Variants in GUCY1A2 observed in about 807,000 individuals in gnomAD.
The protein encoded by GUCY1A2 is guanylate cyclase soluble subunit alpha-2.
In GUCY1A2, 27 loss-of-function variants were observed where a neutral mutation model predicts 63.5. The ratio of observed to expected loss-of-function variants is 0.43; its 90% CI spans 0.31 to 0.59. The LOEUF (loss-of-function observed/expected upper bound fraction) is 0.59, where lower values mean the gene tolerates loss of function less well. GUCY1A2 is among the 20% of genes least tolerant of loss of function. The pLI is 0.11. For missense variants in GUCY1A2, 768 were observed against 913.3 expected, an observed-to-expected ratio of 0.84 and a Z score of 2.05; for synonymous variants, 364 against 343.5, an observed-to-expected ratio of 1.06 and a Z score of -0.66.
chr11:106,702,879 G>A (rs951787206), intron 7 of GUCY1A2, among the ~76,000 whole-genome samples: 2 of 152,090 alleles, frequency 1.3e-5, no homozygotes, highest in East Asian at 1.9e-4. Flanking sequence ...ATGGTATGAC[G>A]TTTAATATTG....
chr11:106,983,927 A>C (rs936384275), intron 2 of GUCY1A2, among the ~76,000 whole-genome samples: 10 of 152,216 alleles, frequency 6.6e-5, no homozygotes, highest in Admixed American at 5.2e-4. Flanking sequence ...TTTTCTTAAG[A>C]GGAACAACAT....
intron 6 of GUCY1A2, among the ~76,000 whole-genome samples, chr11:106,774,556 G>A (rs7944759): frequency 6.8e-6 from 1 of 147,158 alleles, no homozygotes; most frequent in Admixed American, 6.7e-5. Flanking sequence ...GTGTCTGGGT[G>A]CTGATTACTG....
At chr11:106,720,685 CAGAA>C (rs1424763996) in intron 6 of GUCY1A2, among the ~76,000 whole-genome samples, 1 of 152,054 alleles carries the variant, frequency 6.6e-6, no homozygotes, top group Non-Finnish European at 1.5e-5. Context: ...TGAAAAATAA[CAGAA>C]AGCTAAAATA....
At chr11:106,748,036 C>T (rs148461340) in intron 6 of GUCY1A2, among the ~76,000 whole-genome samples, 1 of 152,116 alleles carries the variant, frequency 6.6e-6, no homozygotes, top group Non-Finnish European at 1.5e-5. Flanking sequence ...ATGGGATTTC[C>T]CATATTCTTA....
chr11:106,730,059 A>AATATATATATATATATATATATATAT (rs60486225), intron 6 of GUCY1A2, among the ~76,000 whole-genome samples: 9 of 103,350 alleles, frequency 8.7e-5, no homozygotes, highest in Admixed American at 2.1e-4. Context: ...ATCAGCATGG[A>AATATATATATATATATATATATATAT]ATATATATAT....
intron 4 of GUCY1A2, among the ~76,000 whole-genome samples, chr11:106,848,405 A>T (rs1859306733): frequency 6.6e-6 from 1 of 151,634 alleles, no homozygotes; most frequent in Non-Finnish European, 1.5e-5. Context: ...CACTCATTAT[A>T]CCAACATTTG....
chr11:106,829,738 C>T (rs1447118179), intron 4 of GUCY1A2, among the ~76,000 whole-genome samples: 1 of 152,092 alleles, frequency 6.6e-6, no homozygotes, highest in South Asian at 2.1e-4. Context: ...TGAAATCAGT[C>T]CACTACTTCA....
chr11:106,913,211 C>T (rs896014647), intron 4 of GUCY1A2, among the ~76,000 whole-genome samples: 11 of 151,974 alleles, frequency 7.2e-5, no homozygotes, highest in East Asian at 1.9e-4. Flanking sequence ...TGTCTTAGTT[C>T]GCTTGCACTG....
At chr11:106,947,361 A>G (rs1017656019) in intron 3 of GUCY1A2, among the ~76,000 whole-genome samples, 1 of 152,062 alleles carries the variant, frequency 6.6e-6, no homozygotes, top group Non-Finnish European at 1.5e-5. Flanking sequence ...CAACAGAACA[A>G]TGAAGATAAA....
chr11:106,913,130 T>C (rs868577987), intron 4 of GUCY1A2, among the ~76,000 whole-genome samples: 1 of 151,854 alleles, frequency 6.6e-6, no homozygotes, highest in Non-Finnish European at 1.5e-5. Context: ...AAAAGATATA[T>C]ATATATATAT....
intron 5 of GUCY1A2, among the ~76,000 whole-genome samples, chr11:106,806,624 G>A (rs1474607576): frequency 6.6e-6 from 1 of 152,114 alleles, no homozygotes; most frequent in African/African-American, 2.4e-5. Flanking sequence ...TGTTGTTTAT[G>A]TTGACTTTTA....
intron 5 of GUCY1A2, among the ~76,000 whole-genome samples, chr11:106,787,426 TGCTTGAAAAC>T (rs1864576891): frequency 6.8e-6 from 1 of 146,902 alleles, no homozygotes. Flanking sequence ...TTTTTTTTTT[TGCTTGAAAAC>T]TTTATTAAAA....
At chr11:106,871,730 G>C (rs918354048) in intron 4 of GUCY1A2, among the ~76,000 whole-genome samples, 2 of 152,108 alleles carry the variant, frequency 1.3e-5, no homozygotes, top group African/African-American at 4.8e-5. Flanking sequence ...TGCATTAAAA[G>C]AAAAGGTATG....
At chr11:106,767,620 T>C (rs1276707302) in intron 6 of GUCY1A2, among the ~76,000 whole-genome samples, 1 of 152,154 alleles carries the variant, frequency 6.6e-6, no homozygotes, top group Non-Finnish European at 1.5e-5. Flanking sequence ...GCAGTGGAAT[T>C]CTGTCTCATT....
intron 4 of GUCY1A2, among the ~76,000 whole-genome samples, chr11:106,926,194 C>T (rs75817990): frequency 0.032 from 4,830 of 152,118 alleles, 114 homozygotes; most frequent in Non-Finnish European, 0.053. Context: ...CCAAGGTGGG[C>T]GAATCACTTG....
At chr11:106,700,503 C>A (rs1267427840) in intron 7 of GUCY1A2, among the ~76,000 whole-genome samples, 1 of 152,010 alleles carries the variant, frequency 6.6e-6, no homozygotes, top group Non-Finnish European at 1.5e-5. Flanking sequence ...CTAGATATGA[C>A]TTTTATTGGC....
chr11:106,717,358 T>TC (rs1467753963), intron 6 of GUCY1A2, among the ~76,000 whole-genome samples: 1 of 152,090 alleles, frequency 6.6e-6, no homozygotes. Context: ...TAAGTTCCTT[T>TC]CCCCCACTTC....
In GUCY1A2 at chr11:107,018,089, G is replaced by A; in HGVS notation, c.-34C>T. The A allele has an allele frequency of 7.9e-6, 11 of 1,391,234 alleles. No individual in the cohort carries two copies. The highest frequency in any genetic ancestry group is 1.0e-5 in the Non-Finnish European group (11 of 1,054,102). 86.2% of individuals were successfully genotyped at this position (1,391,234 alleles called of 1,614,324 possible). On this transcript the variant is annotated 5_prime_UTR_variant, in exon 1 of 8. Coordinates refer to ENST00000526355, the MANE Select transcript of GUCY1A2 (RefSeq NM_000855.3). ...CGGAGCTGCAGCGGCCGAGGCGGTG[G>A]CGGCGAGGACGCGAGCGGCGGCGGA...
At chr11:106,782,367 G>C (rs1864480122) in intron 5 of GUCY1A2, among the ~76,000 whole-genome samples, 1 of 152,200 alleles carries the variant, frequency 6.6e-6, no homozygotes, top group Admixed American at 6.5e-5. Flanking sequence ...GACAGATATA[G>C]ATAAACTTTA....
Sources: gnomAD v4.1 joint callset for allele counts (sites outside exome capture counted in the v4.1 genomes callset) on GRCh38, gnomAD v4.1.1 for gene constraint, MANE v1.5 for transcripts, NCBI Gene and HGNC (gene_info 2026-07-23, HGNC 2026-07-21) for gene names.